SELENOK: variants seen among roughly 807,000 people sequenced by gnomAD.
SELENOK encodes selenoprotein K.
Under a neutral mutation model 17.3 loss-of-function variants are expected in SELENOK, and 11 were observed. The observed-to-expected ratio is 0.63, with a 90% CI of 0.40 to 1.05. The LOEUF (loss-of-function observed/expected upper bound fraction) is 1.05. SELENOK is among the 50% of genes least tolerant of loss of function. The pLI is 0.00. For missense variants in SELENOK, 125 were observed against 113.9 expected (o/e 1.10, Z -0.44); for synonymous variants, 45 against 35.4 (o/e 1.27, Z -0.97).
At chr3:53,885,605 G>C (rs563003552) in intron 4 of SELENOK, 44 bp from the exon 5 acceptor site, 4 of 1,577,476 alleles carry the variant, frequency 2.5e-6, no homozygotes, top group East Asian at 4.5e-5. Flanking sequence ...TTATTAATTT[G>C]GATCTGTGTG....
At position 53,886,891 on chromosome 3, in the gene SELENOK, A is replaced by G; in HGVS notation, c.154T>C (p.Tyr52His). The G allele has an allele frequency of 1.3e-6, 2 of 1,573,296 alleles. No individual in the cohort carries two copies. The highest frequency in any genetic ancestry group is 8.6e-7 in the Non-Finnish European group (1 of 1,157,520). Residue 52 changes from tyrosine (Y) to histidine (H), a missense_variant, in exon 3 of 5, where the codon TAT becomes CAT. Coordinates refer to ENST00000495461, the MANE Select transcript of SELENOK (RefSeq NM_021237.5). Reference protein sequence around the residue: ...LQQDVKKRRSYGNSSDSRYDD... With the variant: ...LQQDVKKRRSHGNSSDSRYDD... ...TATCTGGAATCAGATGAGTTTCCAT[A>G]GCTTCTTCTTTTTTTCACATCTTGC...
rs192669353 is a variant in SELENOK, at chr3:53,890,033, A to T, written c.20-1550T>A. On this transcript the variant is annotated intron_variant, in intron 1 of 4. Coordinates refer to ENST00000495461, the MANE Select transcript of SELENOK (RefSeq NM_021237.5). ...ACTACCTCTCCTTTCCATTATCCCA[A>T]GAGTTAACCCCACTCACCTCTACCC... Among the ~76,000 whole-genome samples, 324 of 152,290 alleles carry T rather than the reference A, an allele frequency of 2.1e-3. 2 individuals carry two copies. The highest frequency in any genetic ancestry group is 0.013 in the East Asian group (68 of 5,182).
intron 3 of SELENOK, among the ~76,000 whole-genome samples, chr3:53,886,228 T>C (rs1700124728): frequency 6.6e-6 from 1 of 152,186 alleles, no homozygotes; most frequent in Non-Finnish European, 1.5e-5. Flanking sequence ...CAGTGCTACT[T>C]GATCTTGATC....
At chr3:53,891,670 A>C in intron 1 of SELENOK, 100 bp downstream of exon 1, 1 of 1,486,022 alleles carries the variant, frequency 6.7e-7, no homozygotes, top group South Asian at 1.1e-5. Context: ...AAGCCCGGGG[A>C]AGCCGCACCG....
chr3:53,886,799 T>G, intron 3 of SELENOK, 52 bp downstream of exon 3: 1 of 1,099,714 alleles, frequency 9.1e-7, no homozygotes, highest in Non-Finnish European at 1.3e-6. Flanking sequence ...AAATATCTAA[T>G]AAAGGTATAC....
chr3:53,891,421 T>G (rs1040127681), intron 1 of SELENOK, among the ~76,000 whole-genome samples: 3 of 152,198 alleles, frequency 2.0e-5, no homozygotes, highest in Non-Finnish European at 4.4e-5. Context: ...GCGCTACGTG[T>G]ACAGCGTCGG....
rs758998139 is a variant in SELENOK, at chr3:53,886,919, A to G, written c.126T>C (p.Leu42=). The change falls in exon 3 of 5, where the codon CTT becomes CTC. Residue 42 remains leucine (L), a synonymous_variant. Coordinates refer to ENST00000495461, the MANE Select transcript of SELENOK (RefSeq NM_021237.5). The stretch of plus-strand genomic sequence containing the variant: ...TTCTTCTTTTTTTCACATCTTGCTG[A>G]AGCAGAGTTTTGAAACTGAAACAAG... ...EFVVLFFKTL[L]QQDVKKRRSY... The G allele has an allele frequency of 3.2e-6, 5 of 1,563,864 alleles. No individual in the cohort carries two copies. Among genetic ancestry groups the G allele is most frequent in the Non-Finnish European group, 4.3e-6 (5 of 1,152,906 alleles).
At chr3:53,887,804 T>C (rs1576873574) in intron 2 of SELENOK, among the ~76,000 whole-genome samples, 1 of 152,218 alleles carries the variant, frequency 6.6e-6, no homozygotes, top group Admixed American at 6.5e-5. Context: ...GACACTCAAA[T>C]ATATATTCAA....
rs1354599638 is a variant in SELENOK, at chr3:53,885,849, A to T, written c.258T>A (p.Pro86=). The T allele has an allele frequency of 6.3e-7, 1 of 1,591,122 alleles. No individual in the cohort carries two copies. The highest frequency in any genetic ancestry group is 1.8e-5 in the Admixed American group (1 of 57,028). The change falls in exon 4 of 5, where the codon CCT becomes CCA. Residue 86 remains proline, a synonymous_variant. Transcript: ENST00000495461. ...RINHLRGPSP[P]PMAGGUGR ...ACCTTCCTCATCCACCAGCCATTGG[A>T]GGGGGACTAGGGCCACGCAGATGAT...
At chr3:53,886,786 C>T in intron 3 of SELENOK, 65 bp downstream of exon 3, 1 of 986,250 alleles carries the variant, frequency 1.0e-6, no homozygotes, top group Non-Finnish European at 1.4e-6. Context: ...CTCTATCTAC[C>T]TAAAATATCT....
intron 1 of SELENOK, among the ~76,000 whole-genome samples, chr3:53,890,228 G>A (rs1700157605): frequency 1.3e-5 from 2 of 152,076 alleles, no homozygotes; most frequent in African/African-American, 4.8e-5. Context: ...TGGCTGATGT[G>A]ACATTTTCTT....
At chr3:53,886,971 T>C in intron 2 of SELENOK, 37 bp from the exon 3 acceptor site, 1 of 1,404,806 alleles carries the variant, frequency 7.1e-7, no homozygotes, top group Non-Finnish European at 9.7e-7. Context: ...AGGTATCACT[T>C]TTGACAACAT....
Position 53,891,833 on chromosome 3 carries a change from T to C in SELENOK, c.-45A>G. On this transcript the variant is annotated 5_prime_UTR_variant, in exon 1 of 5. Coordinates refer to ENST00000495461, the MANE Select transcript of SELENOK (RefSeq NM_021237.5). Reference sequence around the variant, plus strand: ...TCGGAGCCACCGGGCGCCTGGCCCCTGTCGGTTTCTGTATCTCCCTCTGCT... The same window carrying C: ...TCGGAGCCACCGGGCGCCTGGCCCCCGTCGGTTTCTGTATCTCCCTCTGCT... 1 of 1,609,774 alleles carries C rather than the reference T, an allele frequency of 6.2e-7. No individual in the cohort carries two copies. Among genetic ancestry groups the C allele is most frequent in the Non-Finnish European group, 8.5e-7 (1 of 1,176,228 alleles).
chr3:53,891,775 G>C lies in SELENOK; in HGVS notation c.14C>G (p.Ser5Trp), dbSNP rs921929560. 1.9e-6 allele frequency: 3 copies of C among 1,613,882 alleles called. No individual in the cohort carries two copies. The highest frequency in any genetic ancestry group is 1.7e-5 in the Admixed American group (1 of 60,006). ...ACAGCCCGCTCTCAACTTACCGTTC[G>C]AGATGTAAACCATCTTGTCCCACTT... is the stretch of plus-strand genomic sequence containing the variant. MVYI[S>W]NGQVLDSRSQ... The change falls in exon 1 of 5, where the codon TCG (serine) becomes TGG (tryptophan). Residue 5 changes from serine (S) to tryptophan (W), a missense_variant. Physicochemically the swap from Ser to Trp is radical, Grantham distance 177. Coordinates refer to ENST00000495461, the MANE Select transcript of SELENOK (RefSeq NM_021237.5).
At position 53,886,866 on chromosome 3, in the gene SELENOK, T is replaced by C. The variant is rs1358714760; in HGVS notation, c.179A>G (p.Tyr60Cys). The change falls in exon 3 of 5, where the codon TAT (tyrosine) becomes TGT (cysteine). Residue 60 changes from tyrosine (Y) to cysteine (C), a missense_variant. Transcript: ENST00000495461. ...RSYGNSSDSR[Y>C]DDGRGPPGNP... ...AAAGCTGTACCCTCTTCCATCATCA[T>C]ATCTGGAATCAGATGAGTTTCCATA... 1.7e-5 allele frequency: 26 copies of C among 1,564,802 alleles called. No homozygotes were observed. Among genetic ancestry groups the C allele is most frequent in the Non-Finnish European group, 2.2e-5 (25 of 1,152,528 alleles).
In SELENOK at chr3:53,891,843, T is replaced by G. The variant is rs375043302; in HGVS notation, c.-55A>C. On this transcript the variant is annotated 5_prime_UTR_variant, in exon 1 of 5. Coordinates refer to ENST00000495461, the MANE Select transcript of SELENOK (RefSeq NM_021237.5). The stretch of plus-strand genomic sequence containing the variant: ...CGGGCGCCTGGCCCCTGTCGGTTTC[T>G]GTATCTCCCTCTGCTCCCCGCCCTT... 9 of 1,595,744 alleles carry G rather than the reference T, an allele frequency of 5.6e-6. No individual in the cohort carries two copies. Among genetic ancestry groups the G allele is most frequent in the Non-Finnish European group, 7.7e-6 (9 of 1,163,800 alleles).
chr3:53,886,901 T>C lies in SELENOK; in HGVS notation c.144A>G (p.Lys48=). ...CAGATGAGTTTCCATAGCTTCTTCT[T>C]TTTTTCACATCTTGCTGAAGCAGAG... ...FKTLLQQDVK[K]RRSYGNSSDS... is the part of the protein sequence containing the mutation. The change falls in exon 3 of 5, where the codon AAA becomes AAG. Residue 48 remains lysine, a synonymous_variant. Transcript: ENST00000495461. 6.4e-7 allele frequency: 1 copy of C among 1,572,046 alleles called. No individual in the cohort carries two copies. Among genetic ancestry groups the C allele is most frequent in the African/African-American group, 1.3e-5 (1 of 74,118 alleles).
Position 53,885,533 on chromosome 3 carries a change from G to T in SELENOK, c.*25C>A. ...CTTCTGCTATGAATGCGCATGTCCG[G>T]TTGTCTGCTTCTTAGAGCAGACATT... On this transcript the variant is annotated 3_prime_UTR_variant, in exon 5 of 5. Coordinates refer to ENST00000495461, the MANE Select transcript of SELENOK (RefSeq NM_021237.5). 6.2e-7 allele frequency: 1 copy of T among 1,606,428 alleles called. No homozygotes were observed. Among genetic ancestry groups the T allele is most frequent in the Non-Finnish European group, 8.5e-7 (1 of 1,176,874 alleles).
chr3:53,891,083 C>T (rs1700165141), intron 1 of SELENOK: 1 of 152,264 alleles, frequency 6.6e-6, no homozygotes, highest in African/African-American at 2.4e-5. Context: ...AGTACTTCTT[C>T]CCATGCCCCT....
Sources: allele counts gnomAD v4.1 joint callset (sites outside exome capture counted in the v4.1 genomes callset), GRCh38; gene constraint gnomAD v4.1.1; transcripts MANE v1.5; gene names NCBI Gene and HGNC (gene_info 2026-07-23, HGNC 2026-07-21).